The following TCF25 variants were observed in gnomAD, a reference collection of about 807,000 sequenced individuals.
TCF25 encodes the protein TCF25 ribosome quality control complex subunit, also known as ribosome quality control complex subunit TCF25.
TCF25 carries 41 observed loss-of-function variants against 83.1 expected under a neutral mutation model. The observed-to-expected ratio is 0.49, with a 90% CI of 0.38 to 0.64. TCF25 has a LOEUF of 0.64. Among genes scored for constraint, TCF25 ranks in the 30% least tolerant of loss-of-function variants. The pLI is 0.00. For missense variants in TCF25, 979 were observed against 914.5 expected (o/e 1.07, Z -0.91); for synonymous variants, 458 against 365.0 (o/e 1.25, Z -2.90).
At chr16:89,879,859 C>T (rs565491258) in intron 1 of TCF25, among the ~76,000 whole-genome samples, 1 of 147,618 alleles carries the variant, frequency 6.8e-6, no homozygotes, top group African/African-American at 2.5e-5. Flanking sequence ...CGGGGCCTGT[C>T]ACACGTGTTG....
chr16:89,897,230 C>T (rs1055098727), intron 9 of TCF25, among the ~76,000 whole-genome samples: 1 of 152,222 alleles, frequency 6.6e-6, no homozygotes, highest in African/African-American at 2.4e-5. Context: ...CTGTGCTGAG[C>T]GACCGCATGT....
At chr16:89,901,100 G>C in intron 12 of TCF25, 3 of 266,820 alleles carry the variant, frequency 1.1e-5, no homozygotes, top group Admixed American at 4.5e-5. Flanking sequence ...CCAGTGCTGG[G>C]GAGGAGAGCA....
intron 1 of TCF25, among the ~76,000 whole-genome samples, chr16:89,879,243 G>A (rs947546060): frequency 1.1e-4 from 16 of 150,488 alleles, no homozygotes; most frequent in South Asian, 6.3e-4. Context: ...CGTGTTGTCC[G>A]TGTGCACAGA....
intron 13 of TCF25, chr16:89,904,473 A>G (rs1449289708): frequency 1.9e-6 from 1 of 539,748 alleles, no homozygotes; most frequent in Non-Finnish European, 3.3e-6. Flanking sequence ...CATGCCTGTA[A>G]TCTCAGCTTT....
intron 12 of TCF25, among the ~76,000 whole-genome samples, chr16:89,901,398 T>G (rs2044315109): frequency 6.6e-6 from 1 of 151,618 alleles, no homozygotes; most frequent in Non-Finnish European, 1.5e-5. Flanking sequence ...AATCCCTCCT[T>G]AAGACGAGCC....
intron 6 of TCF25, 139 bp from the exon 7 acceptor site, chr16:89,893,589 A>G (rs1415032457): frequency 2.2e-6 from 3 of 1,340,488 alleles, no homozygotes; most frequent in South Asian, 2.7e-5. Context: ...AGCTGGTGAC[A>G]CCCATGAGTA....
intron 1 of TCF25, among the ~76,000 whole-genome samples, chr16:89,878,091 A>G (rs934682117): frequency 4.0e-5 from 6 of 151,610 alleles, no homozygotes; most frequent in Non-Finnish European, 8.8e-5. Flanking sequence ...CAGCCTGGGC[A>G]ATGTGGCAAA....
intron 5 of TCF25, among the ~76,000 whole-genome samples, chr16:89,891,672 A>G (rs1359173010): frequency 6.6e-6 from 1 of 152,208 alleles, no homozygotes; most frequent in African/African-American, 2.4e-5. Flanking sequence ...CTGTTACCTC[A>G]GAGATGGTTG....
intron 6 of TCF25, among the ~76,000 whole-genome samples, chr16:89,892,848 C>T (rs959107573): frequency 1.3e-5 from 2 of 152,194 alleles, no homozygotes; most frequent in Non-Finnish European, 2.9e-5. Context: ...AGGGCAAGGA[C>T]AGCTTGTGGG....
At chr16:89,878,454 T>TG in intron 1 of TCF25, 1 of 1,247,424 alleles carries the variant, frequency 8.0e-7, no homozygotes, top group African/African-American at 1.6e-5. Context: ...TTTTTTTTTT[T>TG]TTTTAGGAAA....
At chr16:89,904,847 C>T in intron 13 of TCF25, 91 bp from the exon 14 acceptor site, 2 of 1,478,784 alleles carry the variant, frequency 1.4e-6, no homozygotes, top group Non-Finnish European at 1.8e-6. Context: ...CTCCCTGGAC[C>T]CCCCGTCTGC....
At chr16:89,900,365 A>G (rs2044221935) in intron 11 of TCF25, among the ~76,000 whole-genome samples, 2 of 151,888 alleles carry the variant, frequency 1.3e-5, no homozygotes, top group South Asian at 4.2e-4. Flanking sequence ...CCTGGGCGGC[A>G]GGTGGGACCC....
At chr16:89,879,369 G>A (rs1481360288) in intron 1 of TCF25, among the ~76,000 whole-genome samples, 6 of 149,374 alleles carry the variant, frequency 4.0e-5, no homozygotes, top group Non-Finnish European at 5.9e-5. Flanking sequence ...CGTGCTGTCC[G>A]TGTACACAGA....
Position 89,886,279 on chromosome 16 carries a change from T to G in TCF25, c.548+313T>G, listed in dbSNP as rs564568363. ...CCTCTCTACTAAAAATACAAAAAAT[T>G]AGCTGGGCGTGGTAGCGGGCGCCTT... On this transcript the variant is annotated intron_variant, in intron 4 of 17. Coordinates refer to ENST00000263346, the MANE Select transcript of TCF25 (RefSeq NM_014972.3). The G allele has an allele frequency of 1.1e-3, 415 of 364,120 alleles. 1 individual carries two copies. Among genetic ancestry groups the G allele is most frequent in the African/African-American group, 8.4e-3 (395 of 46,920 alleles). 22.6% of individuals were successfully genotyped at this position (364,120 alleles called of 1,614,324 possible). A position where few individuals can be genotyped will look rare whatever the true frequency, so the allele number is the denominator to read the frequency against.
chr16:89,876,520 T>C (rs1263526163), intron 1 of TCF25, among the ~76,000 whole-genome samples: 1 of 152,176 alleles, frequency 6.6e-6, no homozygotes, highest in Non-Finnish European at 1.5e-5. Context: ...CGCCTTGGCC[T>C]CCCAAAGTGC....
chr16:89,875,104 G>A (rs1450648049), intron 1 of TCF25, among the ~76,000 whole-genome samples: 1 of 152,118 alleles, frequency 6.6e-6, no homozygotes, highest in Non-Finnish European at 1.5e-5. Flanking sequence ...GGCTCAAATA[G>A]TCCTCTCACC....
In TCF25 at chr16:89,902,544, C is replaced by T. The variant is rs914886159; in HGVS notation, c.1382-1574C>T. 5.4e-5 allele frequency among the ~76,000 whole-genome samples: 8 copies of T among 147,332 alleles called. 1 individual carries two copies. The highest frequency in any genetic ancestry group is 3.3e-4 in the Admixed American group (5 of 14,976). On this transcript the variant is annotated intron_variant, in intron 12 of 17. Transcript: ENST00000263346. Reference sequence around the variant, plus strand: ...CTCTACTAAAAATACAAAAAATTAGCCGGGCGTGTTGGCCGGCACCTGTAG... The same window carrying T: ...CTCTACTAAAAATACAAAAAATTAGTCGGGCGTGTTGGCCGGCACCTGTAG...
rs189782866 is a variant in TCF25, at chr16:89,906,458, G to A, written c.1719+174G>A. 4.0e-3 allele frequency among the ~76,000 whole-genome samples: 603 copies of A among 152,298 alleles called. 6 individuals carry two copies. Among genetic ancestry groups the A allele is most frequent in the African/African-American group, 0.014 (567 of 41,566 alleles). On this transcript the variant is annotated intron_variant, in intron 15 of 17. Coordinates refer to ENST00000263346, the MANE Select transcript of TCF25 (RefSeq NM_014972.3). Reference sequence around the variant, plus strand: ...GGGCTCCTCCTTTCCTGGCAGCCCGGGTTCGGATGCTTGTTGTTTTGAGAG... The same window carrying A: ...GGGCTCCTCCTTTCCTGGCAGCCCGAGTTCGGATGCTTGTTGTTTTGAGAG...
chr16:89,894,366 C>T (rs1316295111), intron 7 of TCF25, among the ~76,000 whole-genome samples: 9 of 151,842 alleles, frequency 5.9e-5, no homozygotes, highest in African/African-American at 9.7e-5. Flanking sequence ...CAGCCCCGGA[C>T]GGCCCCCGCG....
Sources: gnomAD v4.1 joint callset for allele counts (sites outside exome capture counted in the v4.1 genomes callset) on GRCh38, gnomAD v4.1.1 for gene constraint, MANE v1.5 for transcripts, NCBI Gene and HGNC (gene_info 2026-07-23, HGNC 2026-07-21) for gene names.